Variants in BCAS3 observed in about 807,000 individuals in gnomAD.
BCAS3 encodes BCAS4/BCAS3 fusion.
Under a neutral mutation model 116.1 loss-of-function variants are expected in BCAS3, and 53 were observed. The observed-to-expected ratio is 0.46, with a 90% confidence interval of 0.37 to 0.57. BCAS3 has a LOEUF of 0.57. Among genes scored for constraint, BCAS3 ranks in the 20% least tolerant of loss-of-function variants. BCAS3 has a pLI of 0.00. For missense variants in BCAS3, 917 were observed against 1,165.4 expected (o/e 0.79, Z 3.10); for synonymous variants, 391 against 408.2 (o/e 0.96, Z 0.51).
Position 61,256,667 on chromosome 17 carries a change from C to T in BCAS3, c.2426-111660C>T, listed in dbSNP as rs1318587800. Among the ~76,000 whole-genome samples, 4 of 152,104 alleles carry T rather than the reference C, an allele frequency of 2.6e-5. No individual in the cohort carries two copies. The highest frequency in any genetic ancestry group is 2.0e-4 in the Admixed American group (3 of 15,262). ...ATGTGTCCAGGGTTGTTGCCCACTT[C>T]CTGCCTTTGAAACCAGTGAATTGTG... On this transcript the variant is annotated intron_variant, in intron 22 of 23. Coordinates refer to ENST00000407086, the MANE Select transcript of BCAS3 (RefSeq NM_017679.5). This position sits in a 1 kb window ranked among gnomAD's most constrained non-coding sequence, Gnocchi z 5.6.
In BCAS3 at chr17:61,026,468, G is replaced by A. The variant is rs112203257; in HGVS notation, c.1638-8198G>A. ...CAAATTTTTTATCCAGTCATCGTTA[G>A]CTAATTTTAACCATTTTGTGTCACA... On this transcript the variant is annotated intron_variant, in intron 16 of 23. Coordinates refer to ENST00000407086, the MANE Select transcript of BCAS3 (RefSeq NM_017679.5). The surrounding 1 kb of genome is among the most constrained non-coding windows in gnomAD (Gnocchi z 5.0). Among the ~76,000 whole-genome samples, 3 of 151,988 alleles carry A rather than the reference G, an allele frequency of 2.0e-5. No homozygotes were observed. Among genetic ancestry groups the A allele is most frequent in the African/African-American group, 7.2e-5 (3 of 41,416 alleles).
intron 22 of BCAS3, among the ~76,000 whole-genome samples, chr17:61,350,578 G>C (rs1468027787): frequency 6.6e-6 from 1 of 151,826 alleles, no homozygotes; most frequent in African/African-American, 2.4e-5. Flanking sequence ...CAATCTGTCA[G>C]TGGATGAATG....
intron 6 of BCAS3, among the ~76,000 whole-genome samples, chr17:60,767,744 A>G (rs902292453): frequency 1.3e-5 from 2 of 152,024 alleles, no homozygotes; most frequent in African/African-American, 4.8e-5. Context: ...GTGTCTTTAC[A>G]TTGATATCTG....
chr17:60,896,591 T>C (rs1485932547), intron 10 of BCAS3, among the ~76,000 whole-genome samples: 1 of 151,836 alleles, frequency 6.6e-6, no homozygotes, highest in Non-Finnish European at 1.5e-5. Flanking sequence ...CTTTTTTTTT[T>C]CCAGCTGTTT....
In BCAS3 at chr17:61,130,644, G is replaced by C. The variant is rs1316517634; in HGVS notation, c.2425+46080G>C. The C allele has an allele frequency of 2.0e-5, 3 of 152,248 alleles. No individual in the cohort carries two copies. The highest frequency in any genetic ancestry group is 4.4e-5 in the Non-Finnish European group (3 of 68,060). 9.4% of individuals were successfully genotyped at this position (152,248 alleles called of 1,614,324 possible). A position where few individuals can be genotyped will look rare whatever the true frequency, so the allele number is the denominator to read the frequency against. On this transcript the variant is annotated intron_variant, in intron 22 of 23. Coordinates refer to ENST00000407086, the MANE Select transcript of BCAS3 (RefSeq NM_017679.5). This position sits in a 1 kb window ranked among gnomAD's most constrained non-coding sequence, Gnocchi z 5.0. ...AAATGTTTGAATGGAGATTTAAAAA[G>C]TCTAGCTATGCTTCTTGTACATCCC...
intron 19 of BCAS3, among the ~76,000 whole-genome samples, chr17:61,052,035 C>T (rs2068906519): frequency 1.3e-5 from 2 of 151,812 alleles, no homozygotes; most frequent in African/African-American, 4.8e-5. Flanking sequence ...CTATGGTGTG[C>T]TTTTCTTCTG....
intron 7 of BCAS3, among the ~76,000 whole-genome samples, chr17:60,844,016 C>T (rs532390177): frequency 4.6e-5 from 7 of 152,330 alleles, no homozygotes; most frequent in Admixed American, 2.6e-4. Flanking sequence ...GTTGCCCAGT[C>T]TGGAATGCAA....
At chr17:61,185,716 A>G (rs577785916) in intron 22 of BCAS3, among the ~76,000 whole-genome samples, 2 of 152,334 alleles carry the variant, frequency 1.3e-5, no homozygotes, top group Admixed American at 6.5e-5. Flanking sequence ...AAACGAATCA[A>G]TTAAAAGCAT....
rs982363075 is a variant in BCAS3, at chr17:61,095,648, G to A, written c.2425+11084G>A. Among the ~76,000 whole-genome samples, 5 of 152,172 alleles carry A rather than the reference G, an allele frequency of 3.3e-5. No individual in the cohort carries two copies. The highest frequency in any genetic ancestry group is 2.9e-5 in the Non-Finnish European group (2 of 68,006). On this transcript the variant is annotated intron_variant, in intron 22 of 23. Transcript: ENST00000407086. The surrounding 1 kb of genome is among the most constrained non-coding windows in gnomAD (Gnocchi z 4.7). ...TGCCCGGCTAATTTTTGTATTTTTA[G>A]TAGAGACAAGGTTTCACCATGTTGG...
At chr17:60,680,150 A>AAGAAAG (rs1205424644) in intron 2 of BCAS3, among the ~76,000 whole-genome samples, 2 of 149,178 alleles carry the variant, frequency 1.3e-5, no homozygotes, top group Admixed American at 6.6e-5. Flanking sequence ...AAAAAAAAAA[A>AAGAAAG]AGAAAGAAAA....
Position 60,960,781 on chromosome 17 carries a change from CTTTTTTTT to C in BCAS3, c.1221+13435_1221+13442del, listed in dbSNP as rs372608125. 7.0e-6 allele frequency among the ~76,000 whole-genome samples: 1 copy of C among 142,246 alleles called. No individual in the cohort carries two copies. Among genetic ancestry groups the C allele is most frequent in the Non-Finnish European group, 1.5e-5 (1 of 64,748 alleles). The allele number at this position is 142,246 out of a possible 152,430, so 93.3% of individuals were successfully genotyped here. On this transcript the variant is annotated intron_variant, in intron 14 of 23. Transcript: ENST00000407086. This position sits in a 1 kb window ranked among gnomAD's most constrained non-coding sequence, Gnocchi z 4.1. ...CAGTAGCTGCCTTCTTCTTCTTTTT[CTTTTTTTT>C]TTTTTAATCATGCCTTTGTGCCTTT...
chr17:61,291,567 G>A (rs1252025413), intron 22 of BCAS3, among the ~76,000 whole-genome samples: 1 of 152,150 alleles, frequency 6.6e-6, no homozygotes, highest in East Asian at 1.9e-4. Flanking sequence ...TTGTTTTGCT[G>A]TGCTTCCCAT....
At chr17:61,119,812 T>C (rs1022100904) in intron 22 of BCAS3, among the ~76,000 whole-genome samples, 2 of 152,094 alleles carry the variant, frequency 1.3e-5, no homozygotes, top group African/African-American at 4.8e-5. Context: ...TTGGTAAATA[T>C]GTAAAACATT....
rs148995123 is a variant in BCAS3, at chr17:61,144,295, A to G, written c.2425+59731A>G. Among the ~76,000 whole-genome samples, 81 of 152,278 alleles carry G rather than the reference A, an allele frequency of 5.3e-4. No individual in the cohort carries two copies. In the East Asian group the frequency reaches 0.014, roughly 26 times the overall value. On this transcript the variant is annotated intron_variant, in intron 22 of 23. Transcript: ENST00000407086. This position sits in a 1 kb window ranked among gnomAD's most constrained non-coding sequence, Gnocchi z 5.0. ...ACTATCAGCAAATCCATATAAGGCA[A>G]GTGACTCCCTACCATCTCCTCCGAG... is the stretch of plus-strand genomic sequence containing the variant.
rs534104302 is a variant in BCAS3 at position 61,189,324 on chromosome 17, T to C, written c.2425+104760T>C. On this transcript the variant is annotated intron_variant, in intron 22 of 23. Transcript: ENST00000407086. This position sits in a 1 kb window ranked among gnomAD's most constrained non-coding sequence, Gnocchi z 4.5. Reference sequence around the variant, plus strand: ...CAGTAGCAAGAGAAGCCATGGTATATTCAAAGAGCTCATAAGGAGGTTGAC... The same window carrying C: ...CAGTAGCAAGAGAAGCCATGGTATACTCAAAGAGCTCATAAGGAGGTTGAC... Among the ~76,000 whole-genome samples, 4 of 152,254 alleles carry C rather than the reference T, an allele frequency of 2.6e-5. No homozygotes were observed. In the South Asian group the frequency reaches 8.3e-4, roughly 32 times the overall value.
rs1191173058 is a variant in BCAS3, at chr17:61,084,711, C to CTA, written c.2425+151_2425+152dup. ...TGTGCATTTTAATACAGTACTGTGCCTATATTTCTTGCTGAACAATGCCAT... is the reference window on the plus strand; with the variant it reads ...TGTGCATTTTAATACAGTACTGTGCCTATATATTTCTTGCTGAACAATGCCAT... On this transcript the variant is annotated intron_variant, in intron 22 of 23. Transcript: ENST00000407086. This position sits in a 1 kb window ranked among gnomAD's most constrained non-coding sequence, Gnocchi z 5.5. 1.4e-6 allele frequency: 1 copy of CTA among 702,192 alleles called. No homozygotes were observed. The highest frequency in any genetic ancestry group is 1.8e-5 in the African/African-American group (1 of 55,652). The allele number at this position is 702,192 out of a possible 1,614,324, so 43.5% of individuals were successfully genotyped here. A position where few individuals can be genotyped will look rare whatever the true frequency, so the allele number is the denominator to read the frequency against.
intron 22 of BCAS3, among the ~76,000 whole-genome samples, chr17:61,120,193 A>G (rs972033971): frequency 1.7e-4 from 26 of 152,226 alleles, no homozygotes; most frequent in African/African-American, 5.5e-4. Context: ...TAACTTGACA[A>G]TAAGTAGGAA....
chr17:61,230,991 A>G (rs2082646182), intron 22 of BCAS3, among the ~76,000 whole-genome samples: 2 of 144,570 alleles, frequency 1.4e-5, no homozygotes, highest in South Asian at 4.4e-4. Context: ...CTAAGAGATA[A>G]GGTCTCACTA....
intron 8 of BCAS3, 66 bp downstream of exon 8, chr17:60,868,749 C>T (rs2054851033): frequency 1.1e-6 from 1 of 939,838 alleles, no homozygotes; most frequent in African/African-American, 1.7e-5. Context: ...ATGGAGAACT[C>T]TACCAGTTTC....
Sources: allele counts gnomAD v4.1 joint callset (sites outside exome capture counted in the v4.1 genomes callset), GRCh38; gene constraint gnomAD v4.1.1; non-coding constraint Gnocchi (gnomAD v3.1); transcripts MANE v1.5; gene names NCBI Gene and HGNC (gene_info 2026-07-23, HGNC 2026-07-21).